GABRG3: variants seen among roughly 807,000 people sequenced by gnomAD.
GABRG3 encodes gamma-aminobutyric acid type A receptor subunit gamma3, also known as gamma-aminobutyric acid receptor subunit gamma-3.
GABRG3 carries 25 observed loss-of-function variants against 48.8 expected under a neutral mutation model. The observed-to-expected ratio is 0.51, with a 90% CI of 0.37 to 0.72. GABRG3 has a LOEUF of 0.72. Among genes scored for constraint, GABRG3 ranks in the 30% least tolerant of loss-of-function variants. The pLI is 0.00. For synonymous variants in GABRG3, 227 were observed against 217.6 expected (o/e 1.04, Z -0.38); for missense variants, 394 against 577.9 (o/e 0.68, Z 3.26).
At chr15:27,052,393 G>A (rs905959377) in intron 3 of GABRG3, among the ~76,000 whole-genome samples, 18 of 152,326 alleles carry the variant, frequency 1.2e-4, no homozygotes, top group Admixed American at 9.1e-4. Context: ...GGGCCTCGGC[G>A]TGTGGCACAG....
chr15:27,060,033 A>G (rs1314307813), intron 3 of GABRG3, among the ~76,000 whole-genome samples: 1 of 152,252 alleles, frequency 6.6e-6, no homozygotes, highest in African/African-American at 2.4e-5. Context: ...ACTTTCCACA[A>G]TGTGGTCATA....
intron 5 of GABRG3, among the ~76,000 whole-genome samples, chr15:27,338,725 C>T (rs1894063201): frequency 6.6e-6 from 1 of 152,158 alleles, no homozygotes; most frequent in Non-Finnish European, 1.5e-5. Context: ...ATCTATGTTG[C>T]TATCAGGCTT....
At chr15:27,305,479 CTGTG>C (rs929598014) in intron 3 of GABRG3, among the ~76,000 whole-genome samples, 9 of 147,188 alleles carry the variant, frequency 6.1e-5, no homozygotes, top group Non-Finnish European at 9.0e-5. Context: ...TGTGTGTGGT[CTGTG>C]TGTTTTTTAT....
chr15:26,996,509 C>T (rs528646023), intron 2 of GABRG3, among the ~76,000 whole-genome samples: 3 of 152,116 alleles, frequency 2.0e-5, no homozygotes, highest in African/African-American at 7.2e-5. Flanking sequence ...CTCTGTGTTT[C>T]AACATTTTGA....
rs1283078611 is a variant in GABRG3, at chr15:27,388,319, A to G, written c.574+59431A>G. ...AAGAAGGAAGGAAAGGGAGGGAGGGAAAAGAAGGAAGGAAGGAAAGGTGGG... is the reference window on the plus strand; with the variant it reads ...AAGAAGGAAGGAAAGGGAGGGAGGGGAAAGAAGGAAGGAAGGAAAGGTGGG... On this transcript the variant is annotated intron_variant, in intron 5 of 9. Transcript: ENST00000615808. 1.6e-4 allele frequency among the ~76,000 whole-genome samples: 6 copies of G among 36,986 alleles called. 1 individual carries two copies. The highest frequency in any genetic ancestry group is 1.5e-4 in the Non-Finnish European group (3 of 20,306). 24.3% of individuals were successfully genotyped at this position (36,986 alleles called of 152,430 possible).
chr15:27,342,514 G>T (rs1470477501), intron 5 of GABRG3, among the ~76,000 whole-genome samples: 1 of 152,190 alleles, frequency 6.6e-6, no homozygotes, highest in Non-Finnish European at 1.5e-5. Flanking sequence ...TCACATGCCA[G>T]ACAGGACAAT....
chr15:27,176,382 A>G (rs958237605), intron 3 of GABRG3, among the ~76,000 whole-genome samples: 6 of 152,192 alleles, frequency 3.9e-5, no homozygotes, highest in African/African-American at 1.4e-4. Flanking sequence ...CTAACCACTC[A>G]TTTTCTGAAC....
chr15:27,212,831 G>A (rs143293681), intron 3 of GABRG3, among the ~76,000 whole-genome samples: 52 of 152,234 alleles, frequency 3.4e-4, no homozygotes, highest in Non-Finnish European at 5.6e-4. Context: ...GAGTCTTATG[G>A]TATTTGTCCT....
chr15:27,219,916 C>T (rs1183363764), intron 3 of GABRG3, among the ~76,000 whole-genome samples: 6 of 152,192 alleles, frequency 3.9e-5, no homozygotes, highest in Non-Finnish European at 8.8e-5. Flanking sequence ...TTATTCTTCA[C>T]CAGCAATAGA....
At chr15:27,415,617 A>G (rs1485180414) in intron 5 of GABRG3, among the ~76,000 whole-genome samples, 1 of 152,158 alleles carries the variant, frequency 6.6e-6, no homozygotes, top group Non-Finnish European at 1.5e-5. Flanking sequence ...CAACTTGTCC[A>G]TGTAACCAAA....
rs1419789177 is a variant in GABRG3, at chr15:27,359,650, A to T, written c.574+30762A>T. Among the ~76,000 whole-genome samples, 5 of 152,332 alleles carry T rather than the reference A, an allele frequency of 3.3e-5. No individual in the cohort carries two copies. In the South Asian group the frequency reaches 8.3e-4, roughly 25 times the overall value. On this transcript the variant is annotated intron_variant, in intron 5 of 9. Coordinates refer to ENST00000615808, the MANE Select transcript of GABRG3 (RefSeq NM_033223.5). ...AAATAAAAAGAAAAGCACCTTTATG[A>T]CTGGCATACTCAGTGTACGCATTCC...
rs1388219160 is a variant in GABRG3, at chr15:27,319,803, C to T, written c.271-7006C>T. Among the ~76,000 whole-genome samples the T allele has an allele frequency of 6.6e-6, 1 of 152,124 alleles. No homozygotes were observed. The highest frequency in any genetic ancestry group is 1.9e-4 in the East Asian group (1 of 5,194). On this transcript the variant is annotated intron_variant, in intron 3 of 9. Transcript: ENST00000615808. This position sits in a 1 kb window ranked among gnomAD's most constrained non-coding sequence, Gnocchi z 4.4. Reference sequence around the variant, plus strand: ...GAGTATCATGCAAAGAATATTAACCCCAATTCTGTAGGCTCTGGGTAGCCA... The same window carrying T: ...GAGTATCATGCAAAGAATATTAACCTCAATTCTGTAGGCTCTGGGTAGCCA...
At chr15:27,351,361 T>C (rs1894579820) in intron 5 of GABRG3, among the ~76,000 whole-genome samples, 1 of 144,422 alleles carries the variant, frequency 6.9e-6, no homozygotes, top group Admixed American at 6.9e-5. Context: ...TATGTGTGAG[T>C]GCCTTTGTGT....
intron 5 of GABRG3, among the ~76,000 whole-genome samples, chr15:27,467,127 C>T (rs1346069822): frequency 1.3e-5 from 2 of 152,146 alleles, no homozygotes; most frequent in South Asian, 2.1e-4. Context: ...ATCTGAGTGT[C>T]AGCAGACCCG....
Position 27,129,079 on chromosome 15 carries a change from A to G in GABRG3, c.270+102258A>G, listed in dbSNP as rs145553475. Among the ~76,000 whole-genome samples the G allele has an allele frequency of 3.0e-3, 459 of 152,328 alleles. 1 individual carries two copies. The highest frequency in any genetic ancestry group is 0.011 in the African/African-American group (444 of 41,572). On this transcript the variant is annotated intron_variant, in intron 3 of 9. Coordinates refer to ENST00000615808, the MANE Select transcript of GABRG3 (RefSeq NM_033223.5). ...ATGTATGGTATGCATATAATATAAA[A>G]TGTATCATTTTGAGGGTATAGTTCA...
At chr15:27,163,443 G>A (rs1273027912) in intron 3 of GABRG3, among the ~76,000 whole-genome samples, 1 of 152,000 alleles carries the variant, frequency 6.6e-6, no homozygotes, top group Non-Finnish European at 1.5e-5. Context: ...CACCTACTAA[G>A]ATTGTAGGCA....
intron 3 of GABRG3, among the ~76,000 whole-genome samples, chr15:27,172,978 G>A (rs1007149017): frequency 4.6e-5 from 7 of 152,090 alleles, no homozygotes; most frequent in Admixed American, 4.6e-4. Flanking sequence ...AAATGAGGCC[G>A]CCAGCAGCAA....
At chr15:27,478,251 A>T (rs75295257) in intron 5 of GABRG3, among the ~76,000 whole-genome samples, 1 of 152,156 alleles carries the variant, frequency 6.6e-6, no homozygotes, top group Non-Finnish European at 1.5e-5. Flanking sequence ...ATATTTTAAA[A>T]CATATATCTG....
chr15:27,172,837 G>C (rs924369725), intron 3 of GABRG3, among the ~76,000 whole-genome samples: 4 of 152,042 alleles, frequency 2.6e-5, no homozygotes, highest in African/African-American at 9.7e-5. Flanking sequence ...TTTGAGAAGG[G>C]CCCCCACTCC....
Sources: allele counts gnomAD v4.1 joint callset (sites outside exome capture counted in the v4.1 genomes callset), GRCh38; gene constraint gnomAD v4.1.1; non-coding constraint Gnocchi (gnomAD v3.1); transcripts MANE v1.5; gene names NCBI Gene and HGNC (gene_info 2026-07-23, HGNC 2026-07-21).